Variants in CORIN observed in about 807,000 individuals in gnomAD.
CORIN encodes the protein corin, serine peptidase.
In CORIN, 117 loss-of-function variants were observed where a neutral mutation model predicts 125.3. That is an observed-to-expected ratio of 0.93 (90% confidence interval 0.80 to 1.09). The LOEUF (loss-of-function observed/expected upper bound fraction) is 1.09. Ranked by LOEUF, CORIN falls within the 50% of genes least tolerant of loss-of-function variation. The pLI is 0.00. For missense variants in CORIN, 1,253 were observed against 1,306.7 expected (o/e 0.96, Z 0.63); for synonymous variants, 450 against 466.4 (o/e 0.96, Z 0.45).
At chr4:47,762,885 G>A (rs1729532500) in intron 4 of CORIN, among the ~76,000 whole-genome samples, 1 of 152,086 alleles carries the variant, frequency 6.6e-6, no homozygotes, top group African/African-American at 2.4e-5. Flanking sequence ...TCTGCCTAGG[G>A]TCATAGCACC....
chr4:47,838,013 T>A lies in CORIN; in HGVS notation c.-64A>T. 6.3e-7 allele frequency: 1 copy of A among 1,599,388 alleles called. No individual in the cohort carries two copies. Among genetic ancestry groups the A allele is most frequent in the Non-Finnish European group, 8.5e-7 (1 of 1,178,338 alleles). ...CTTGGTCGCTTTTCTCTCCTCTACG[T>A]GTCCCCCGGGGAGGCACTACGGATG... is the stretch of plus-strand genomic sequence containing the variant. On this transcript the variant is annotated 5_prime_UTR_variant, in exon 1 of 22. Coordinates refer to ENST00000273857, the MANE Select transcript of CORIN (RefSeq NM_006587.4).
chr4:47,777,527 AGGCTGAGG>A (rs1730354817), intron 3 of CORIN, among the ~76,000 whole-genome samples: 1 of 152,158 alleles, frequency 6.6e-6, no homozygotes, highest in African/African-American at 2.4e-5. Flanking sequence ...GCTACTCGGG[AGGCTGAGG>A]CAGGAGAATC....
chr4:47,785,420 TC>T (rs1730746260), intron 3 of CORIN, among the ~76,000 whole-genome samples: 1 of 152,192 alleles, frequency 6.6e-6, no homozygotes, highest in Non-Finnish European at 1.5e-5. Context: ...ACACTTTCTG[TC>T]TTTTCTCTCT....
intron 5 of CORIN, among the ~76,000 whole-genome samples, chr4:47,695,713 C>T (rs1029781415): frequency 3.3e-5 from 5 of 152,186 alleles, no homozygotes; most frequent in Admixed American, 2.0e-4. Flanking sequence ...TTTTATAAAA[C>T]TAGAATAACT....
At chr4:47,619,630 C>T (rs952439166) in intron 19 of CORIN, among the ~76,000 whole-genome samples, 3 of 152,100 alleles carry the variant, frequency 2.0e-5, no homozygotes, top group African/African-American at 7.2e-5. Context: ...TATGTACGTG[C>T]CTTTAATTAT....
At chr4:47,650,159 T>C (rs1577783176) in intron 13 of CORIN, among the ~76,000 whole-genome samples, 1 of 152,318 alleles carries the variant, frequency 6.6e-6, no homozygotes, top group East Asian at 1.9e-4. Context: ...TTTAAAGGTT[T>C]TATTTTATTT....
At chr4:47,712,967 A>T (rs2109780870) in intron 5 of CORIN, among the ~76,000 whole-genome samples, 1 of 152,336 alleles carries the variant, frequency 6.6e-6, no homozygotes, top group South Asian at 2.1e-4. Context: ...AAGACAATAG[A>T]AGAAATAAGT....
chr4:47,745,225 A>G (rs1280004267), intron 4 of CORIN, among the ~76,000 whole-genome samples: 1 of 152,232 alleles, frequency 6.6e-6, no homozygotes, highest in African/African-American at 2.4e-5. Flanking sequence ...TTCACTTAAC[A>G]TGCCATGAAA....
chr4:47,836,194 G>A (rs61758481), intron 1 of CORIN, among the ~76,000 whole-genome samples: 3 of 152,082 alleles, frequency 2.0e-5, no homozygotes, highest in African/African-American at 7.2e-5. Flanking sequence ...GCAAGCCCCA[G>A]GAACCTCCTC....
chr4:47,789,251 C>T (rs534165141), intron 2 of CORIN, among the ~76,000 whole-genome samples: 3 of 152,058 alleles, frequency 2.0e-5, no homozygotes, highest in African/African-American at 7.2e-5. Context: ...TTGCAGTGAG[C>T]CGAGTTTGCA....
At chr4:47,785,305 C>T (rs1193131205) in intron 3 of CORIN, among the ~76,000 whole-genome samples, 1 of 152,164 alleles carries the variant, frequency 6.6e-6, no homozygotes, top group African/African-American at 2.4e-5. Flanking sequence ...CCACTCCCAC[C>T]GAGTATTCTG....
chr4:47,810,133 T>C (rs1650611936), intron 1 of CORIN, among the ~76,000 whole-genome samples: 1 of 152,128 alleles, frequency 6.6e-6, no homozygotes, highest in African/African-American at 2.4e-5. Flanking sequence ...GTTTTGTTTG[T>C]TGTTGTTTTT....
intron 1 of CORIN, among the ~76,000 whole-genome samples, chr4:47,827,093 G>A (rs1401245124): frequency 6.6e-6 from 1 of 151,922 alleles, no homozygotes; most frequent in Non-Finnish European, 1.5e-5. Flanking sequence ...TACATCTGTG[G>A]CTAACATTAT....
chr4:47,764,317 A>G (rs1312729890), intron 3 of CORIN, among the ~76,000 whole-genome samples: 1 of 152,216 alleles, frequency 6.6e-6, no homozygotes, highest in Non-Finnish European at 1.5e-5. Context: ...ATCTTCTCCC[A>G]TAGTTGGCTC....
rs760748309 is a variant in CORIN at position 47,744,475 on chromosome 4, C to T, written c.726G>A (p.Gln242=). The T allele has an allele frequency of 4.3e-6, 7 of 1,613,964 alleles. No homozygotes were observed. The highest frequency in any genetic ancestry group is 5.9e-6 in the Non-Finnish European group (7 of 1,179,994). Residue 242 remains glutamine (Q), a synonymous_variant, in exon 5 of 22, where the codon CAG becomes CAA. Transcript: ENST00000273857. ...YSWPDFLRCS[Q]FRNQTESSNV... The stretch of plus-strand genomic sequence containing the variant: ...TGCTGCTTTCAGTTTGGTTTCTAAA[C>T]TGGGAGCATCTGAGGAAATCCGGCC...
chr4:47,774,608 G>A (rs938891053), intron 3 of CORIN, among the ~76,000 whole-genome samples: 3 of 152,148 alleles, frequency 2.0e-5, no homozygotes, highest in African/African-American at 7.2e-5. Context: ...CAGCACGAAA[G>A]GGAAATTGTA....
chr4:47,733,274 C>T (rs188723763), intron 5 of CORIN, among the ~76,000 whole-genome samples: 2 of 152,178 alleles, frequency 1.3e-5, no homozygotes, highest in Admixed American at 6.5e-5. Context: ...ACATGCTCAG[C>T]GCCTTCACGA....
chr4:47,790,328 AGGAGGTTCACACC>A, intron 2 of CORIN: 1 of 279,192 alleles, frequency 3.6e-6, no homozygotes, highest in Non-Finnish European at 5.4e-6. Flanking sequence ...GTGGAGCCTC[AGGAGGTTCACACC>A]GTTTGCAGAG....
At chr4:47,728,646 A>G (rs1260973995) in intron 5 of CORIN, among the ~76,000 whole-genome samples, 1 of 152,204 alleles carries the variant, frequency 6.6e-6, no homozygotes, top group East Asian at 1.9e-4. Context: ...CAGACTTTTG[A>G]CTTGTTGCTA....
Sources: gnomAD v4.1 joint callset for allele counts (sites outside exome capture counted in the v4.1 genomes callset) on GRCh38, gnomAD v4.1.1 for gene constraint, MANE v1.5 for transcripts, NCBI Gene and HGNC (gene_info 2026-07-23, HGNC 2026-07-21) for gene names.